Variants in ZC3H14 observed in about 807,000 individuals in gnomAD.
ZC3H14 encodes the protein zinc finger CCCH-type containing 14.
A neutral mutation model predicts 92.4 loss-of-function variants in ZC3H14; 31 were observed. That is an observed-to-expected ratio of 0.34 (90% CI 0.25 to 0.45). The LOEUF (loss-of-function observed/expected upper bound fraction) is 0.45. ZC3H14 is among the 20% of genes least tolerant of loss of function. ZC3H14 has a pLI of 1.00. For synonymous variants in ZC3H14, 321 were observed against 300.9 expected, an observed-to-expected ratio of 1.07 and a Z score of -0.69; for missense variants, 781 against 897.3, an observed-to-expected ratio of 0.87 and a Z score of 1.66.
intron 9 of ZC3H14, among the ~76,000 whole-genome samples, chr14:88,588,491 G>A (rs1045491608): frequency 2.0e-5 from 3 of 152,162 alleles, no homozygotes; most frequent in African/African-American, 4.8e-5. Flanking sequence ...TGAGGCTTCA[G>A]TGTTGATGCT....
chr14:88,587,711 T>C (rs1424689385), intron 9 of ZC3H14, among the ~76,000 whole-genome samples: 1 of 152,146 alleles, frequency 6.6e-6, no homozygotes, highest in Non-Finnish European at 1.5e-5. Context: ...TTTAGGAGGC[T>C]GAGGTGGGAG....
intron 12 of ZC3H14, among the ~76,000 whole-genome samples, chr14:88,604,794 A>T (rs2085128067): frequency 6.6e-6 from 1 of 152,112 alleles, no homozygotes; most frequent in Non-Finnish European, 1.5e-5. Flanking sequence ...GGGTTTTACC[A>T]TGTTGGTCAG....
In ZC3H14 at chr14:88,563,567, A is replaced by G. The variant is rs1358572122; in HGVS notation, c.37-84A>G. 35 of 1,590,490 alleles carry G rather than the reference A, an allele frequency of 2.2e-5. No homozygotes were observed. In the East Asian group the frequency reaches 6.9e-4, roughly 32 times the overall value. Reference sequence around the variant, plus strand: ...GGGGATCCGAGGTGCGCGCACCAGCAAAGTGGCCTCAGCCGCTGCAGAGTC... The same window carrying G: ...GGGGATCCGAGGTGCGCGCACCAGCGAAGTGGCCTCAGCCGCTGCAGAGTC... On this transcript the variant is annotated intron_variant, in intron 1 of 16. Coordinates refer to ENST00000251038, the MANE Select transcript of ZC3H14 (RefSeq NM_024824.5).
At position 88,616,596 on chromosome 14, in the gene ZC3H14, T is replaced by C; in HGVS notation, c.*4845T>C. ...CTAATAGCTTTTATTTCAAAGTAAA[T>C]AGATTTAGAAAGTTTGGGGAAAAAT... On this transcript the variant is annotated 3_prime_UTR_variant, in exon 17 of 17. Coordinates refer to ENST00000251038, the MANE Select transcript of ZC3H14 (RefSeq NM_024824.5). 1.1e-6 allele frequency: 1 copy of C among 914,334 alleles called. No individual in the cohort carries two copies. Among genetic ancestry groups the C allele is most frequent in the Non-Finnish European group, 1.6e-6 (1 of 625,416 alleles). The allele number at this position is 914,334 out of a possible 1,614,324, so 56.6% of individuals were successfully genotyped here.
In ZC3H14 at chr14:88,596,730, C is replaced by G. The variant is rs767485996; in HGVS notation, c.1280-4C>G. 1.2e-6 allele frequency: 2 copies of G among 1,613,456 alleles called. No homozygotes were observed. Among genetic ancestry groups the G allele is most frequent in the Middle Eastern group, 1.7e-4 (1 of 6,058 alleles). ...TTAGTGAAGTTTTAAAATTTATATTCTAGGAACTCAACAGAGGCAATTATT... is the reference window on the plus strand; with the variant it reads ...TTAGTGAAGTTTTAAAATTTATATTGTAGGAACTCAACAGAGGCAATTATT... On this transcript the variant is annotated splice_polypyrimidine_tract_variant and splice_region_variant and intron_variant, in intron 9 of 16. Transcript: ENST00000251038.
At position 88,613,408 on chromosome 14, in the gene ZC3H14, G is replaced by A. The variant is rs1182236447; in HGVS notation, c.*1657G>A. 1 of 147,398 alleles carries A rather than the reference G, an allele frequency of 6.8e-6. No individual in the cohort carries two copies. Among genetic ancestry groups the A allele is most frequent in the African/African-American group, 2.7e-5 (1 of 37,176 alleles). The allele number at this position is 147,398 out of a possible 1,614,324, so 9.1% of individuals were successfully genotyped here. On this transcript the variant is annotated 3_prime_UTR_variant, in exon 17 of 17. Coordinates refer to ENST00000251038, the MANE Select transcript of ZC3H14 (RefSeq NM_024824.5). ...CTTTTAGCTATCATTTATAAAGATAGTTTTGTTCTCAGTTTCACTATAAAT... is the reference window on the plus strand; with the variant it reads ...CTTTTAGCTATCATTTATAAAGATAATTTTGTTCTCAGTTTCACTATAAAT...
At position 88,620,950 on chromosome 14, in the gene ZC3H14, A is replaced by G; in HGVS notation, c.*9199A>G. 2 of 1,478,606 alleles carry G rather than the reference A, an allele frequency of 1.4e-6. No individual in the cohort carries two copies. The highest frequency in any genetic ancestry group is 1.8e-6 in the Non-Finnish European group (2 of 1,117,876). 91.6% of individuals were successfully genotyped at this position (1,478,606 alleles called of 1,614,324 possible). ...TTCTGCATTTAAAAAAAAAAAAAAA[A>G]AGAGTCATAGGAAACATTAAGTGAA... On this transcript the variant is annotated 3_prime_UTR_variant, in exon 17 of 17. Coordinates refer to ENST00000251038, the MANE Select transcript of ZC3H14 (RefSeq NM_024824.5). This position sits in a 1 kb window ranked among gnomAD's most constrained non-coding sequence, Gnocchi z 4.3.
chr14:88,568,218 C>G, intron 3 of ZC3H14, 65 bp downstream of exon 3: 1 of 1,354,884 alleles, frequency 7.4e-7, no homozygotes, highest in Non-Finnish European at 1.0e-6. Context: ...ATATTCTGTC[C>G]AAAGAGAGGT....
At chr14:88,575,176 G>T (rs959917679) in intron 7 of ZC3H14, among the ~76,000 whole-genome samples, 11 of 152,164 alleles carry the variant, frequency 7.2e-5, no homozygotes, top group Admixed American at 5.9e-4. Flanking sequence ...GACCTCAGGT[G>T]ATCTGCCCTC....
intron 5 of ZC3H14, 120 bp from the exon 6 acceptor site, chr14:88,572,458 A>G (rs755516077): frequency 6.5e-5 from 85 of 1,304,766 alleles, no homozygotes; most frequent in Non-Finnish European, 7.4e-5. Flanking sequence ...TTTTGAATGG[A>G]ATATGTAAAG....
At chr14:88,580,032 G>A (rs1008209368) in intron 9 of ZC3H14, among the ~76,000 whole-genome samples, 1 of 151,914 alleles carries the variant, frequency 6.6e-6, no homozygotes, top group Non-Finnish European at 1.5e-5. Flanking sequence ...ACCCTGTCTC[G>A]ACAAAAAATA....
At chr14:88,586,388 AGTCTATTCACCT>A (rs2082479761) in intron 9 of ZC3H14, among the ~76,000 whole-genome samples, 1 of 152,188 alleles carries the variant, frequency 6.6e-6, no homozygotes, top group Admixed American at 6.5e-5. Context: ...ATTTTCCAAG[AGTCTATTCACCT>A]GTGAGTGTTT....
At position 88,567,970 on chromosome 14, in the gene ZC3H14, C is replaced by T. The variant is rs558425778; in HGVS notation, c.80-69C>T. On this transcript the variant is annotated intron_variant, in intron 2 of 16. Transcript: ENST00000251038. ...AAGCTTAGAGCTACATCTATATTTTCAAGCACATCAACTTTAAGAAGAAAG... is the reference window on the plus strand; with the variant it reads ...AAGCTTAGAGCTACATCTATATTTTTAAGCACATCAACTTTAAGAAGAAAG... 6.4e-6 allele frequency: 8 copies of T among 1,248,990 alleles called. No individual in the cohort carries two copies. In the South Asian group the frequency reaches 8.9e-5, roughly 14 times the overall value. The allele number at this position is 1,248,990 out of a possible 1,614,324, so 77.4% of individuals were successfully genotyped here.
In ZC3H14 at chr14:88,572,795, C is replaced by T. The variant is rs767043669; in HGVS notation, c.649C>T (p.Pro217Ser). 5.0e-6 allele frequency: 8 copies of T among 1,614,178 alleles called. No individual in the cohort carries two copies. In the South Asian group the frequency reaches 8.8e-5, roughly 18 times the overall value. ...SSRPSIEIYRPPASRNADSGV... is the reference protein window; with the variant it reads ...SSRPSIEIYRSPASRNADSGV... ...TCGCCCTTCTATTGAAATTTATCGACCACCTGCAAGTAGAAATGCAGATAG... is the reference window on the plus strand; with the variant it reads ...TCGCCCTTCTATTGAAATTTATCGATCACCTGCAAGTAGAAATGCAGATAG... The change falls in exon 6 of 17, where the codon CCA becomes TCA. Residue 217 changes from proline to serine, a missense_variant. Physicochemically the swap from Pro to Ser is moderately conservative, Grantham distance 74 (BLOSUM62 -1). Transcript: ENST00000251038.
chr14:88,569,438 T>C (rs2080117569), intron 3 of ZC3H14, among the ~76,000 whole-genome samples: 2 of 152,220 alleles, frequency 1.3e-5, no homozygotes, highest in South Asian at 4.1e-4. Context: ...TTTGCTTTTA[T>C]ACATAAATTA....
intron 9 of ZC3H14, among the ~76,000 whole-genome samples, chr14:88,585,526 A>T (rs60136333): frequency 3.8e-4 from 57 of 151,850 alleles, no homozygotes; most frequent in African/African-American, 1.4e-3. Flanking sequence ...ATAGACGCCC[A>T]CCACTACGCC....
intron 6 of ZC3H14, 59 bp downstream of exon 6, chr14:88,573,066 A>G (rs1225241357): frequency 1.3e-6 from 2 of 1,569,248 alleles, no homozygotes; most frequent in South Asian, 2.2e-5. Flanking sequence ...TTGATACCAA[A>G]TAATATATGA....
rs148448418 is a variant in ZC3H14 at position 88,564,448 on chromosome 14, G to A, written c.79+755G>A. Among the ~76,000 whole-genome samples, 454 of 152,336 alleles carry A rather than the reference G, an allele frequency of 3.0e-3. 3 individuals are homozygous for A. The highest frequency in any genetic ancestry group is 0.011 in the African/African-American group (440 of 41,584). On this transcript the variant is annotated intron_variant, in intron 2 of 16. Coordinates refer to ENST00000251038, the MANE Select transcript of ZC3H14 (RefSeq NM_024824.5). ...CTGAGGCTTTGCCTACTTGAGCAAGGTTTTATGGTTTGCCCCCAAAGCTGG... is the reference window on the plus strand; with the variant it reads ...CTGAGGCTTTGCCTACTTGAGCAAGATTTTATGGTTTGCCCCCAAAGCTGG...
intron 10 of ZC3H14, among the ~76,000 whole-genome samples, chr14:88,599,734 A>G (rs1255110985): frequency 6.6e-6 from 1 of 151,944 alleles, no homozygotes; most frequent in East Asian, 1.9e-4. Flanking sequence ...CTTCAGCATT[A>G]TTTTCATCTC....
Sources: gnomAD v4.1 joint callset for allele counts (sites outside exome capture counted in the v4.1 genomes callset) on GRCh38, gnomAD v4.1.1 for gene constraint, Gnocchi (gnomAD v3.1) non-coding constraint, MANE v1.5 for transcripts, NCBI Gene and HGNC (gene_info 2026-07-23, HGNC 2026-07-21) for gene names.